The following CSMD1 variants were observed in gnomAD, a reference collection of about 807,000 sequenced individuals.
The protein encoded by CSMD1 is CUB and sushi domain-containing protein 1.
A neutral mutation model predicts 417.5 loss-of-function variants in CSMD1; 213 were observed. The ratio of observed to expected loss-of-function variants is 0.51; its 90% CI spans 0.46 to 0.57. The LOEUF (loss-of-function observed/expected upper bound fraction) is 0.57. Ranked by LOEUF, CSMD1 falls within the 20% of genes least tolerant of loss-of-function variation. The pLI, the probability that CSMD1 is intolerant of heterozygous loss-of-function variation, is 0.00. For missense variants in CSMD1, 6,923 were observed against 4,529.7 expected, an observed-to-expected ratio of 1.53 and a Z score of -15.17; for synonymous variants, 2,862 against 1,736.8, an observed-to-expected ratio of 1.65 and a Z score of -16.11.
chr8:4,486,538 T>C (rs1801426500), intron 2 of CSMD1, among the ~76,000 whole-genome samples: 1 of 152,140 alleles, frequency 6.6e-6, no homozygotes, highest in East Asian at 1.9e-4. Context: ...TGTTTAGTAA[T>C]ATTTTTGAAG....
chr8:4,918,882 G>T (rs6994034), intron 1 of CSMD1, among the ~76,000 whole-genome samples: 62,604 of 151,734 alleles, frequency 0.41, 14,490 homozygotes, highest in East Asian at 0.82. Context: ...CCTACAACAT[G>T]TAATTTTAAA....
At chr8:4,773,868 T>C (rs1796716845) in intron 1 of CSMD1, among the ~76,000 whole-genome samples, 1 of 152,186 alleles carries the variant, frequency 6.6e-6, no homozygotes, top group African/African-American at 2.4e-5. Context: ...AACTCACCAG[T>C]GCCCAAACTA....
chr8:4,407,354 C>G (rs13253064), intron 3 of CSMD1, among the ~76,000 whole-genome samples: 4,072 of 152,268 alleles, frequency 0.027, 66 homozygotes, highest in Middle Eastern at 0.048. Flanking sequence ...TTTTTTAAAA[C>G]TCAATTTTTA....
At chr8:4,911,347 T>C (rs1203491739) in intron 1 of CSMD1, among the ~76,000 whole-genome samples, 1 of 152,168 alleles carries the variant, frequency 6.6e-6, no homozygotes, top group African/African-American at 2.4e-5. Context: ...TGAAAGACAA[T>C]TATTTTTGAA....
chr8:3,177,321 G>C (rs1821003894), intron 37 of CSMD1, among the ~76,000 whole-genome samples: 1 of 152,174 alleles, frequency 6.6e-6, no homozygotes, highest in Non-Finnish European at 1.5e-5. Flanking sequence ...CTGGAGGCCA[G>C]AAAGAGCTCT....
At chr8:4,865,639 T>C (rs902724759) in intron 1 of CSMD1, among the ~76,000 whole-genome samples, 2 of 151,922 alleles carry the variant, frequency 1.3e-5, no homozygotes, top group Non-Finnish European at 2.9e-5. Flanking sequence ...CTAAGTACAA[T>C]GCACTTCAAT....
chr8:4,016,703 A>T (rs1796540180), intron 4 of CSMD1, among the ~76,000 whole-genome samples: 1 of 152,206 alleles, frequency 6.6e-6, no homozygotes. Flanking sequence ...TTTAGCCTTT[A>T]AGTAACATGT....
chr8:3,991,377 T>G (rs1278415044), intron 5 of CSMD1, among the ~76,000 whole-genome samples: 1 of 152,214 alleles, frequency 6.6e-6, no homozygotes, highest in South Asian at 2.1e-4. Context: ...CTTCAGTGCG[T>G]CACGGTTGCA....
At chr8:3,550,267 C>A (rs922469254) in intron 10 of CSMD1, among the ~76,000 whole-genome samples, 3 of 152,058 alleles carry the variant, frequency 2.0e-5, no homozygotes, top group African/African-American at 7.2e-5. Flanking sequence ...GTCACCAGGC[C>A]ACTATGGCTG....
intron 40 of CSMD1, among the ~76,000 whole-genome samples, chr8:3,147,995 C>T (rs1260711108): frequency 6.6e-6 from 1 of 152,158 alleles, no homozygotes; most frequent in Non-Finnish European, 1.5e-5. Flanking sequence ...ACAGCATTAT[C>T]CTGGTAAGAT....
At chr8:4,433,006 A>C (rs545158217) in intron 2 of CSMD1, among the ~76,000 whole-genome samples, 1 of 152,184 alleles carries the variant, frequency 6.6e-6, no homozygotes, top group South Asian at 2.1e-4. Context: ...TTACATTCCC[A>C]CAGGAGCGTC....
intron 2 of CSMD1, among the ~76,000 whole-genome samples, chr8:4,565,384 A>G (rs756024440): frequency 2.0e-5 from 3 of 152,172 alleles, no homozygotes; most frequent in Non-Finnish European, 2.9e-5. Flanking sequence ...GTATGCCCAC[A>G]CTTAACCTCT....
intron 1 of CSMD1, among the ~76,000 whole-genome samples, chr8:4,681,129 A>C (rs1806024714): frequency 6.6e-6 from 1 of 152,178 alleles, no homozygotes; most frequent in Admixed American, 6.5e-5. Context: ...GAAAGCAAAC[A>C]ATTTTTGACA....
intron 1 of CSMD1, among the ~76,000 whole-genome samples, chr8:4,693,235 C>A (rs1806891043): frequency 2.6e-5 from 4 of 152,170 alleles, no homozygotes; most frequent in Admixed American, 1.3e-4. Flanking sequence ...CGGCCATGAG[C>A]AAGAAATGTT....
At chr8:4,837,362 G>C (rs546023590) in intron 1 of CSMD1, among the ~76,000 whole-genome samples, 2 of 152,128 alleles carry the variant, frequency 1.3e-5, no homozygotes, top group Non-Finnish European at 2.9e-5. Flanking sequence ...TCCATCAACA[G>C]ATGATAAAGA....
chr8:3,026,957 A>T (rs1287565453), intron 51 of CSMD1, among the ~76,000 whole-genome samples: 1 of 152,154 alleles, frequency 6.6e-6, no homozygotes, highest in Non-Finnish European at 1.5e-5. Flanking sequence ...GAGGCAAGAG[A>T]TAAAAAGAGG....
intron 3 of CSMD1, among the ~76,000 whole-genome samples, chr8:4,051,380 A>C (rs902513232): frequency 6.6e-6 from 1 of 152,124 alleles, no homozygotes; most frequent in African/African-American, 2.4e-5. Flanking sequence ...ATGATCCCGG[A>C]GGGCTGATCC....
chr8:4,394,411 A>G lies in CSMD1; in HGVS notation c.415+25542T>C, dbSNP rs573579301. Among the ~76,000 whole-genome samples, 17 of 152,314 alleles carry G rather than the reference A, an allele frequency of 1.1e-4. No homozygotes were observed. The South Asian group carries it at 3.1e-3, about 28-fold the overall frequency. Reference sequence around the variant, plus strand: ...AAATGGTTTTCTTAGAACACAATCAATATTTCGTCCTATTCAATATGCGAT... The same window carrying G: ...AAATGGTTTTCTTAGAACACAATCAGTATTTCGTCCTATTCAATATGCGAT... On this transcript the variant is annotated intron_variant, in intron 3 of 69. Transcript: ENST00000635120.
chr8:3,368,137 A>C (rs62503467), intron 19 of CSMD1, among the ~76,000 whole-genome samples: 10 of 151,768 alleles, frequency 6.6e-5, no homozygotes, highest in Non-Finnish European at 1.3e-4. Flanking sequence ...TGATTATAAA[A>C]CTTTGATCAC....
Sources: gnomAD v4.1 joint callset for allele counts (sites outside exome capture counted in the v4.1 genomes callset) on GRCh38, gnomAD v4.1.1 for gene constraint, MANE v1.5 for transcripts, NCBI Gene and HGNC (gene_info 2026-07-23, HGNC 2026-07-21) for gene names.